Variants in MTCL1 observed in about 807,000 individuals in gnomAD.
MTCL1 encodes microtubule cross-linking factor 1.
Under a neutral mutation model 141.4 loss-of-function variants are expected in MTCL1, and 79 were observed. The ratio of observed to expected loss-of-function variants is 0.56; its 90% confidence interval spans 0.47 to 0.67. MTCL1 has a LOEUF of 0.67. Among genes scored for constraint, MTCL1 ranks in the 30% least tolerant of loss-of-function variants. The pLI is 0.00. For synonymous variants in MTCL1, 914 were observed against 875.8 expected (o/e 1.04, Z -0.77); for missense variants, 2,177 against 2,113.9 (o/e 1.03, Z -0.59).
intron 4 of MTCL1, among the ~76,000 whole-genome samples, chr18:8,736,950 T>C (rs546087632): frequency 6.6e-6 from 1 of 152,328 alleles, no homozygotes; most frequent in South Asian, 2.1e-4. Context: ...TATCCATCTA[T>C]TTTTAAAGTT....
chr18:8,748,410 G>T (rs2096352460), intron 4 of MTCL1, among the ~76,000 whole-genome samples: 1 of 152,102 alleles, frequency 6.6e-6, no homozygotes, highest in Non-Finnish European at 1.5e-5. Context: ...AGGCATGGTG[G>T]CATGCACCTG....
At chr18:8,721,583 C>A (rs1476599045) in intron 4 of MTCL1, among the ~76,000 whole-genome samples, 1 of 152,168 alleles carries the variant, frequency 6.6e-6, no homozygotes, top group Admixed American at 6.5e-5. Context: ...CAGGCACTCA[C>A]CTGTGGCTCA....
intron 4 of MTCL1, among the ~76,000 whole-genome samples, chr18:8,726,512 AGC>A (rs1567945113): frequency 0.045 from 6,173 of 135,708 alleles, 252 homozygotes; most frequent in African/African-American, 0.1. Context: ...CGCGCGCAAG[AGC>A]GAGCGAGAGA....
Position 8,830,507 on chromosome 18 carries a change from G to GC in MTCL1, c.*19-1099dup. 1.0e-6 allele frequency: 1 copy of GC among 986,068 alleles called. No individual in the cohort carries two copies. 61.1% of individuals were successfully genotyped at this position (986,068 alleles called of 1,614,324 possible). A position where few individuals can be genotyped will look rare whatever the true frequency, so the allele number is the denominator to read the frequency against. On this transcript the variant is annotated intron_variant, in intron 16 of 16. Coordinates refer to ENST00000359865, the Ensembl canonical transcript of MTCL1. The surrounding 1 kb of genome is among the most constrained non-coding windows in gnomAD (Gnocchi z 6.4). ...TCCCGAGTGACACTGCCCATTCCGT[G>GC]CAGCCGTCTGTCCTTCCCCCGCTGC... is the stretch of plus-strand genomic sequence containing the variant.
At chr18:8,825,971 C>A in exon 15 of MTCL1, 1 of 1,597,500 alleles carries the variant, frequency 6.3e-7, no homozygotes, top group Non-Finnish European at 8.5e-7. Flanking sequence ...AAACAGGCAC[C>A]AATTCCCGAG....
At chr18:8,798,380 T>C (rs2075999652) in intron 10 of MTCL1, 89 bp downstream of exon 9, 1 of 1,133,110 alleles carries the variant, frequency 8.8e-7, no homozygotes, top group Admixed American at 4.1e-5. Flanking sequence ...TTTCCAGTGT[T>C]GGCATTCAGG....
chr18:8,743,353 C>T (rs979142043), intron 4 of MTCL1, among the ~76,000 whole-genome samples: 2 of 152,116 alleles, frequency 1.3e-5, no homozygotes, highest in Non-Finnish European at 2.9e-5. Context: ...TCTGTCTTTC[C>T]CAGCACAGTA....
intron 4 of MTCL1, among the ~76,000 whole-genome samples, chr18:8,771,753 A>G (rs957272983): frequency 5.3e-5 from 8 of 152,264 alleles, no homozygotes; most frequent in African/African-American, 1.7e-4. Context: ...GATGGATTCA[A>G]TTTGGATTCA....
intron 16 of MTCL1, chr18:8,831,264 A>G (rs1371193653): frequency 1.8e-6 from 2 of 1,102,174 alleles, no homozygotes; most frequent in Non-Finnish European, 2.2e-6. Flanking sequence ...CCAGATAGGA[A>G]TATGATGAAG....
intron 4 of MTCL1, among the ~76,000 whole-genome samples, chr18:8,725,167 G>C (rs1468980): frequency 0.35 from 53,236 of 151,670 alleles, 9,603 homozygotes; most frequent in Admixed American, 0.48. Context: ...AACTAGCCAG[G>C]TTAGCCAGCA....
chr18:8,789,617 G>A (rs1223248706), intron 7 of MTCL1: 1 of 985,436 alleles, frequency 1.0e-6, no homozygotes, highest in Non-Finnish European at 1.2e-6. Flanking sequence ...CAATTGTCAA[G>A]ACTAGTGTCT....
At chr18:8,747,440 G>C (rs2096345157) in intron 4 of MTCL1, among the ~76,000 whole-genome samples, 1 of 152,212 alleles carries the variant, frequency 6.6e-6, no homozygotes, top group Admixed American at 6.5e-5. Context: ...TCCATGCCTG[G>C]TGCTTTGCTC....
chr18:8,720,393 A>G, exon 4 of MTCL1: 1 of 1,614,188 alleles, frequency 6.2e-7, no homozygotes, highest in South Asian at 1.1e-5. Context: ...GTGGAGGAAA[A>G]GCGCGCTAAA....
intron 4 of MTCL1, among the ~76,000 whole-genome samples, chr18:8,720,865 G>T (rs1337011167): frequency 2.0e-5 from 3 of 150,744 alleles, no homozygotes; most frequent in Admixed American, 7.1e-5. Context: ...CCTTTGATGT[G>T]TCCAAGTGGA....
exon 10 of MTCL1, chr18:8,798,180 T>C (rs2143915499): frequency 6.3e-7 from 1 of 1,598,990 alleles, no homozygotes; most frequent in East Asian, 2.3e-5. Flanking sequence ...ACCACGACAG[T>C]GACCGAGGCT....
intron 11 of MTCL1, among the ~76,000 whole-genome samples, chr18:8,807,810 C>T (rs571424003): frequency 1.3e-5 from 2 of 152,252 alleles, no homozygotes; most frequent in South Asian, 2.1e-4. Context: ...AGGTTTCTTC[C>T]AGCCCCTTGA....
intron 14 of MTCL1, among the ~76,000 whole-genome samples, chr18:8,823,159 C>T (rs539755497): frequency 6.6e-6 from 1 of 152,304 alleles, no homozygotes; most frequent in South Asian, 2.1e-4. Flanking sequence ...CTCTTCGTTC[C>T]ACCTGCAAGC....
rs971259458 is a variant in MTCL1, at chr18:8,791,497, G to A, written c.1888-1501G>A. Among the ~76,000 whole-genome samples the A allele has an allele frequency of 6.0e-5, 9 of 150,962 alleles. No homozygotes were observed. In the East Asian group the frequency reaches 1.6e-3, roughly 26 times the overall value. On this transcript the variant is annotated intron_variant, in intron 7 of 16. Coordinates refer to ENST00000359865, the Ensembl canonical transcript of MTCL1. The stretch of plus-strand genomic sequence containing the variant: ...TCACACAAGCCAGTAACGTCCAACA[G>A]GGACACAAGTTGGCAGACACGGCAA...
rs905272102 is a variant in MTCL1 at position 8,830,114 on chromosome 18, C to G, written c.*18+1150C>G. ...AAGGGGAGCGCAGACACAAAACACACAGATTTCCCAAACCGTGTGTCCCAG... is the reference window on the plus strand; with the variant it reads ...AAGGGGAGCGCAGACACAAAACACAGAGATTTCCCAAACCGTGTGTCCCAG... On this transcript the variant is annotated intron_variant, in intron 16 of 16. Transcript: ENST00000359865. The surrounding 1 kb of genome is among the most constrained non-coding windows in gnomAD (Gnocchi z 6.4). The G allele has an allele frequency of 2.0e-6, 2 of 985,478 alleles. No individual in the cohort carries two copies. The highest frequency in any genetic ancestry group is 4.7e-5 in the South Asian group (1 of 21,278). The allele number at this position is 985,478 out of a possible 1,614,324, so 61.0% of individuals were successfully genotyped here. A position where few individuals can be genotyped will look rare whatever the true frequency, so the allele number is the denominator to read the frequency against.
Sources: allele counts gnomAD v4.1 joint callset (sites outside exome capture counted in the v4.1 genomes callset), GRCh38; gene constraint gnomAD v4.1.1; non-coding constraint Gnocchi (gnomAD v3.1); transcripts MANE v1.5; gene names NCBI Gene and HGNC (gene_info 2026-07-23, HGNC 2026-07-21).